The following LOC400499 variants were observed in gnomAD, a reference collection of about 807,000 sequenced individuals.
At chr16:11,477,868 G>A in the LOC400499 span, 13 of 399,050 alleles carry the variant, frequency 3.3e-5, no homozygotes, top group South Asian at 1.4e-3. Context: ...GCTGCTGGAA[G>A]TCAGTGGTTC....
the LOC400499 span, chr16:11,396,375 G>A: frequency 1.2e-6 from 1 of 821,070 alleles, no homozygotes; most frequent in Non-Finnish European, 1.6e-6. Context: ...CATCCAGAAT[G>A]CTGGTTTGCA....
At chr16:11,441,525 T>C in the LOC400499 span, among the ~76,000 whole-genome samples, 2 of 152,234 alleles carry the variant, frequency 1.3e-5, no homozygotes, top group African/African-American at 2.4e-5. Context: ...AGAACACTCA[T>C]TGCACGATGA....
the LOC400499 span, among the ~76,000 whole-genome samples, chr16:11,506,302 G>A: frequency 8.9e-3 from 1,358 of 152,310 alleles, 24 homozygotes; most frequent in African/African-American, 0.03. Context: ...TGGGATTATA[G>A]GCATGAGCCA....
the LOC400499 span, among the ~76,000 whole-genome samples, chr16:11,424,863 G>A: frequency 6.6e-6 from 1 of 152,164 alleles, no homozygotes; most frequent in Non-Finnish European, 1.5e-5. Context: ...GGGGGTGGGA[G>A]GCCTGGAGGG....
chr16:11,511,728 GT>G, the LOC400499 span, among the ~76,000 whole-genome samples: 2 of 152,194 alleles, frequency 1.3e-5, no homozygotes, highest in African/African-American at 2.4e-5. Context: ...TGATGACAAT[GT>G]TCTATAGTTG....
At chr16:11,413,202 G>T in the LOC400499 span, among the ~76,000 whole-genome samples, 2 of 152,300 alleles carry the variant, frequency 1.3e-5, no homozygotes, top group Middle Eastern at 3.4e-3. Flanking sequence ...CGTCGACAGA[G>T]AATGTGCTCC....
At chr16:11,404,415 C>T in the LOC400499 span, among the ~76,000 whole-genome samples, 30 of 152,196 alleles carry the variant, frequency 2.0e-4, no homozygotes, top group African/African-American at 3.6e-4. Context: ...GGCTCAATCT[C>T]GGCTCTCTGC....
the LOC400499 span, among the ~76,000 whole-genome samples, chr16:11,448,307 G>A: frequency 6.6e-6 from 1 of 152,200 alleles, no homozygotes; most frequent in Admixed American, 6.5e-5. Flanking sequence ...AGAAGAACTT[G>A]GACTTCTCAG....
the LOC400499 span, chr16:11,399,190 C>T: frequency 1.2e-5 from 12 of 984,830 alleles, no homozygotes; most frequent in African/African-American, 1.7e-5. Flanking sequence ...CCTCCGCCCC[C>T]TCCCGAGAAG....
the LOC400499 span, among the ~76,000 whole-genome samples, chr16:11,410,808 A>G: frequency 1.4e-4 from 21 of 152,366 alleles, no homozygotes; most frequent in Middle Eastern, 6.8e-3. Context: ...GACAGCTCAG[A>G]GGGACAGAGG....
the LOC400499 span, among the ~76,000 whole-genome samples, chr16:11,463,682 C>T: frequency 0.027 from 4,058 of 151,718 alleles, 205 homozygotes; most frequent in East Asian, 0.2. Context: ...TGTGTGTGTA[C>T]GGACATGTGA....
chr16:11,486,389 T>G, the LOC400499 span, among the ~76,000 whole-genome samples: 2 of 111,094 alleles, frequency 1.8e-5, no homozygotes, highest in African/African-American at 8.0e-5. Context: ...GTGTGTGGTT[T>G]GGTAAATGGA....
the LOC400499 span, chr16:11,450,874 A>G: frequency 1.3e-6 from 2 of 1,481,640 alleles, no homozygotes; most frequent in East Asian, 5.0e-5. Flanking sequence ...GGAAGCTTCT[A>G]GCAGGCAGCT....
chr16:11,473,341 C>T, the LOC400499 span, among the ~76,000 whole-genome samples: 1 of 147,808 alleles, frequency 6.8e-6, no homozygotes, highest in Admixed American at 6.8e-5. Context: ...CAACCTTACT[C>T]TAAAAAAAAA....
the LOC400499 span, among the ~76,000 whole-genome samples, chr16:11,512,436 C>G: frequency 6.6e-6 from 1 of 152,058 alleles, no homozygotes; most frequent in East Asian, 1.9e-4. Flanking sequence ...AACCCCATCT[C>G]TACTAAAAAC....
At chr16:11,396,057 A>T in the LOC400499 span, among the ~76,000 whole-genome samples, 1 of 152,198 alleles carries the variant, frequency 6.6e-6, no homozygotes, top group Non-Finnish European at 1.5e-5. Flanking sequence ...AATAGCAAAT[A>T]CTTACGTAGT....
the LOC400499 span, among the ~76,000 whole-genome samples, chr16:11,413,252 G>A: frequency 7.9e-5 from 12 of 152,266 alleles, no homozygotes; most frequent in African/African-American, 2.9e-4. Flanking sequence ...GGCCAGGAAA[G>A]GGTTTAGATG....
chr16:11,487,719 A>G, the LOC400499 span, among the ~76,000 whole-genome samples: 1 of 151,266 alleles, frequency 6.6e-6, no homozygotes, highest in Non-Finnish European at 1.5e-5. Context: ...TACAACAAAG[A>G]GGCAGTCTCA....
chr16:11,507,840 G>A, the LOC400499 span, among the ~76,000 whole-genome samples: 1 of 121,960 alleles, frequency 8.2e-6, no homozygotes, highest in East Asian at 2.0e-4. Flanking sequence ...AGGCTGAGGT[G>A]GGAGGATCAC....
Sources: allele counts gnomAD v4.1 joint callset (sites outside exome capture counted in the v4.1 genomes callset), GRCh38; gene constraint gnomAD v4.1.1; transcripts MANE v1.5.